Variants in RCL1 observed in about 807,000 individuals in gnomAD.
RCL1 encodes the protein RNA 3'-terminal phosphate cyclase-like protein.
In RCL1, 24 loss-of-function variants were observed where a neutral mutation model predicts 42.4. That is an observed-to-expected ratio of 0.57 (90% confidence interval 0.41 to 0.80). The LOEUF (loss-of-function observed/expected upper bound fraction) is 0.80. Ranked by LOEUF, RCL1 falls within the 30% of genes least tolerant of loss-of-function variation. RCL1 has a pLI of 0.00. For synonymous variants in RCL1, 228 were observed against 177.3 expected, an observed-to-expected ratio of 1.29 and a Z score of -2.27; for missense variants, 578 against 467.9, an observed-to-expected ratio of 1.24 and a Z score of -2.17.
At chr9:4,811,429 C>G (rs1360562839) in intron 1 of RCL1, among the ~76,000 whole-genome samples, 1 of 152,102 alleles carries the variant, frequency 6.6e-6, no homozygotes, top group Non-Finnish European at 1.5e-5. Context: ...TTCCTTCTCC[C>G]CTCCCTTTCC....
At chr9:4,846,621 A>G (rs1489158779) in intron 7 of RCL1, among the ~76,000 whole-genome samples, 3 of 152,150 alleles carry the variant, frequency 2.0e-5, no homozygotes, top group Non-Finnish European at 4.4e-5. Flanking sequence ...CTTGTTGTGC[A>G]GGATTTCTTT....
At chr9:4,800,512 G>A (rs1842982587) in intron 1 of RCL1, among the ~76,000 whole-genome samples, 1 of 151,860 alleles carries the variant, frequency 6.6e-6, no homozygotes, top group Non-Finnish European at 1.5e-5. Context: ...ACCATGCCCA[G>A]CCAGGTTTTT....
intron 1 of RCL1, among the ~76,000 whole-genome samples, chr9:4,801,928 T>G (rs1843008030): frequency 6.6e-6 from 1 of 152,024 alleles, no homozygotes; most frequent in Non-Finnish European, 1.5e-5. Flanking sequence ...TTCTTTTTTT[T>G]TGAGACGGAA....
chr9:4,840,548 C>T (rs752424813), intron 5 of RCL1, among the ~76,000 whole-genome samples: 1 of 152,084 alleles, frequency 6.6e-6, no homozygotes, highest in African/African-American at 2.4e-5. Context: ...TTCTGGGGTG[C>T]CCTATTGTAG....
intron 6 of RCL1, among the ~76,000 whole-genome samples, chr9:4,843,442 A>G (rs796781025): frequency 5.3e-5 from 8 of 152,104 alleles, no homozygotes; most frequent in South Asian, 2.1e-4. Context: ...TGCAAACTAT[A>G]CCAGTGCATA....
At chr9:4,815,648 A>T (rs296841) in intron 1 of RCL1, among the ~76,000 whole-genome samples, 1 of 151,342 alleles carries the variant, frequency 6.6e-6, no homozygotes, top group Non-Finnish European at 1.5e-5. Context: ...GGAAAAGGGG[A>T]GTTTTTGCTG....
intron 1 of RCL1, among the ~76,000 whole-genome samples, chr9:4,800,845 GGTTTCACTGT>G (rs981509681): frequency 2.0e-5 from 3 of 151,728 alleles, no homozygotes; most frequent in Non-Finnish European, 4.4e-5. Context: ...GTAGAGACGG[GGTTTCACTGT>G]GTTGGCCAGG....
At chr9:4,820,985 A>T (rs1165936978) in intron 1 of RCL1, among the ~76,000 whole-genome samples, 1 of 152,060 alleles carries the variant, frequency 6.6e-6, no homozygotes, top group Admixed American at 6.5e-5. Context: ...TTTAATGTTG[A>T]TTAGAGATCC....
intron 1 of RCL1, chr9:4,805,034 T>C (rs1242623675): frequency 6.6e-6 from 1 of 152,270 alleles, no homozygotes; most frequent in Non-Finnish European, 1.5e-5. Flanking sequence ...CTGACAGCCA[T>C]GTCAGACTTG....
At chr9:4,813,167 G>T (rs1256433517) in intron 1 of RCL1, among the ~76,000 whole-genome samples, 1 of 152,096 alleles carries the variant, frequency 6.6e-6, no homozygotes, top group East Asian at 1.9e-4. Flanking sequence ...TAGAGGAAAA[G>T]CTTTAAAATT....
At chr9:4,836,389 A>G (rs963521623) in intron 5 of RCL1, among the ~76,000 whole-genome samples, 1 of 152,234 alleles carries the variant, frequency 6.6e-6, no homozygotes, top group African/African-American at 2.4e-5. Flanking sequence ...TGGACAAAGC[A>G]GGTCAAGGGA....
At chr9:4,818,583 C>G (rs1816476904) in intron 1 of RCL1, among the ~76,000 whole-genome samples, 1 of 151,998 alleles carries the variant, frequency 6.6e-6, no homozygotes, top group Non-Finnish European at 1.5e-5. Flanking sequence ...TGGTTATTCG[C>G]TAAAGAAATT....
At chr9:4,799,479 A>G (rs2130964246) in intron 1 of RCL1, among the ~76,000 whole-genome samples, 1 of 152,308 alleles carries the variant, frequency 6.6e-6, no homozygotes, top group East Asian at 1.9e-4. Flanking sequence ...ATACAGTGAG[A>G]TACAGAACAT....
intron 1 of RCL1, among the ~76,000 whole-genome samples, chr9:4,797,709 C>T (rs1842935095): frequency 6.6e-6 from 1 of 152,142 alleles, no homozygotes; most frequent in African/African-American, 2.4e-5. Flanking sequence ...TTCCCTGTAT[C>T]CCTAATGATT....
intron 7 of RCL1, among the ~76,000 whole-genome samples, chr9:4,847,548 C>G (rs1255059796): frequency 6.6e-6 from 1 of 152,206 alleles, no homozygotes; most frequent in Non-Finnish European, 1.5e-5. Context: ...GCCTGCCTCC[C>G]TGCTCCACTC....
chr9:4,833,116 G>T (rs767509449), intron 3 of RCL1, 38 bp from the exon 4 acceptor site: 2 of 1,406,686 alleles, frequency 1.4e-6, no homozygotes, highest in Non-Finnish European at 2.0e-6. Flanking sequence ...TCTGCTGAAG[G>T]CTTAATTAAA....
intron 3 of RCL1, among the ~76,000 whole-genome samples, chr9:4,831,709 A>G (rs1009994485): frequency 4.6e-5 from 7 of 152,088 alleles, no homozygotes; most frequent in African/African-American, 1.7e-4. Flanking sequence ...AAAATTAGCT[A>G]ATCTTCAGTG....
intron 8 of RCL1, among the ~76,000 whole-genome samples, chr9:4,852,965 TA>T (rs887924710): frequency 6.6e-6 from 1 of 152,118 alleles, no homozygotes; most frequent in African/African-American, 2.4e-5. Flanking sequence ...AATTATGGAT[TA>T]AAAAATTTTA....
At chr9:4,820,473 C>G (rs777898133) in intron 1 of RCL1, among the ~76,000 whole-genome samples, 20 of 152,148 alleles carry the variant, frequency 1.3e-4, no homozygotes, top group Non-Finnish European at 1.5e-5. Context: ...TCTCTTTATG[C>G]CCATTCTCTT....
Sources: allele counts gnomAD v4.1 joint callset (sites outside exome capture counted in the v4.1 genomes callset), GRCh38; gene constraint gnomAD v4.1.1; transcripts MANE v1.5; gene names NCBI Gene and HGNC (gene_info 2026-07-23, HGNC 2026-07-21).